The following C16orf78 variants were observed in gnomAD, a reference collection of about 807,000 sequenced individuals.
C16orf78 encodes chromosome 16 open reading frame 78, also known as uncharacterized protein C16orf78.
A neutral mutation model predicts 27.3 loss-of-function variants in C16orf78; 19 were observed. That is an observed-to-expected ratio of 0.70 (90% CI 0.49 to 1.02). The LOEUF (loss-of-function observed/expected upper bound fraction) is 1.02, where lower values mean the gene tolerates loss of function less well. Among genes scored for constraint, C16orf78 ranks in the 50% least tolerant of loss-of-function variants. C16orf78 has a pLI of 0.00. For synonymous variants in C16orf78, 130 were observed against 116.1 expected, an observed-to-expected ratio of 1.12 and a Z score of -0.77; for missense variants, 339 against 337.0, an observed-to-expected ratio of 1.01 and a Z score of -0.05.
chr16:49,384,754 T>A (rs2151612937), intron 3 of C16orf78, among the ~76,000 whole-genome samples: 1 of 152,232 alleles, frequency 6.6e-6, no homozygotes, highest in Non-Finnish European at 1.5e-5. Context: ...ATAGCTAAAT[T>A]GTCAAAAGTC....
At chr16:49,380,400 T>C (rs1297629518) in intron 3 of C16orf78, among the ~76,000 whole-genome samples, 3 of 152,222 alleles carry the variant, frequency 2.0e-5, no homozygotes, top group Non-Finnish European at 1.5e-5. Flanking sequence ...TAGATTGCCT[T>C]ATGCCTTATG....
chr16:49,385,243 G>T lies in C16orf78; in HGVS notation c.394+6650G>T, dbSNP rs111263563. Among the ~76,000 whole-genome samples the T allele has an allele frequency of 8.5e-4, 129 of 152,058 alleles. 1 individual carries two copies. The highest frequency in any genetic ancestry group is 3.4e-3 in the Middle Eastern group (1 of 294). On this transcript the variant is annotated intron_variant, in intron 3 of 4. Transcript: ENST00000299191. ...ACTATAACTATAATAATTTGTTAGT[G>T]GATACACAATACAAAATATATGTAT...
At chr16:49,384,653 A>G (rs992434828) in intron 3 of C16orf78, among the ~76,000 whole-genome samples, 1 of 152,216 alleles carries the variant, frequency 6.6e-6, no homozygotes, top group Non-Finnish European at 1.5e-5. Flanking sequence ...CAAAGTTCCC[A>G]AATTTGAGGA....
chr16:49,380,354 A>G (rs937700110), intron 3 of C16orf78, among the ~76,000 whole-genome samples: 2 of 152,156 alleles, frequency 1.3e-5, no homozygotes, highest in African/African-American at 4.8e-5. Flanking sequence ...CACCACAATT[A>G]TTCCAAAATA....
At chr16:49,377,656 C>A in intron 1 of C16orf78, 75 bp from the exon 2 acceptor site, 1 of 1,542,830 alleles carries the variant, frequency 6.5e-7, no homozygotes, top group Non-Finnish European at 8.8e-7. Flanking sequence ...ACCTGGGAGC[C>A]TTCTCCTTGG....
chr16:49,381,029 A>T (rs1212952184), intron 3 of C16orf78, among the ~76,000 whole-genome samples: 2 of 150,852 alleles, frequency 1.3e-5, no homozygotes, highest in Non-Finnish European at 3.0e-5. Context: ...TGTTTTGGTT[A>T]CTGTAGCCTT....
intron 4 of C16orf78, among the ~76,000 whole-genome samples, chr16:49,398,754 T>C (rs1965505880): frequency 1.3e-5 from 2 of 152,228 alleles, no homozygotes; most frequent in Non-Finnish European, 2.9e-5. Context: ...AATTCTCTGT[T>C]GGTGGATTTA....
intron 3 of C16orf78, among the ~76,000 whole-genome samples, chr16:49,384,934 A>T (rs152650): frequency 0.096 from 14,606 of 152,250 alleles, 2,021 homozygotes; most frequent in African/African-American, 0.3. Flanking sequence ...CAAGGATATT[A>T]TACCTGATAA....
chr16:49,396,524 T>A lies in C16orf78; in HGVS notation c.496T>A (p.Phe166Ile). 6.2e-7 allele frequency: 1 copy of A among 1,614,196 alleles called. No homozygotes were observed. Among genetic ancestry groups the A allele is most frequent in the Non-Finnish European group, 8.5e-7 (1 of 1,180,040 alleles). ...VLDPMLQEGT[F>I]NSQRATFIRD... ...AGATCCCATGTTACAGGAGGGTACC[T>A]TTAACAGCCAGAGGGCAACCTTCAT... The change falls in exon 4 of 5, where the codon TTT becomes ATT. Residue 166 changes from phenylalanine to isoleucine, a missense_variant. Coordinates refer to ENST00000299191, the MANE Select transcript of C16orf78 (RefSeq NM_144602.4).
intron 3 of C16orf78, among the ~76,000 whole-genome samples, chr16:49,379,550 G>A (rs1397901849): frequency 1.3e-5 from 2 of 151,916 alleles, no homozygotes; most frequent in Non-Finnish European, 2.9e-5. Flanking sequence ...CCAAATTGCA[G>A]TCACTTCCCT....
At position 49,396,534 on chromosome 16, in the gene C16orf78, A is replaced by C; in HGVS notation, c.506A>C (p.Gln169Pro). The stretch of plus-strand genomic sequence containing the variant: ...TTACAGGAGGGTACCTTTAACAGCC[A>C]GAGGGCAACCTTCATAAGAGACTGG... ...PMLQEGTFNS[Q>P]RATFIRDWSN... Residue 169 changes from glutamine to proline, a missense_variant, in exon 4 of 5, where the codon CAG becomes CCG. Transcript: ENST00000299191. 4.3e-6 allele frequency: 7 copies of C among 1,614,184 alleles called. No individual in the cohort carries two copies. Among genetic ancestry groups the C allele is most frequent in the Non-Finnish European group, 8.5e-7 (1 of 1,180,048 alleles).
At chr16:49,378,350 C>G in intron 2 of C16orf78, 120 bp from the exon 3 acceptor site, 2 of 1,423,240 alleles carry the variant, frequency 1.4e-6, no homozygotes, top group Admixed American at 2.6e-5. Context: ...AAGCTCTCTC[C>G]TTGGTTGCCT....
chr16:49,375,255 G>A (rs1965199894), intron 1 of C16orf78, among the ~76,000 whole-genome samples: 1 of 152,130 alleles, frequency 6.6e-6, no homozygotes, highest in Non-Finnish European at 1.5e-5. Context: ...CTTCCATTAT[G>A]TTTGTGTGCT....
chr16:49,377,902 G>A (rs1248006987), intron 2 of C16orf78, 52 bp downstream of exon 2: 1 of 1,543,906 alleles, frequency 6.5e-7, no homozygotes. Flanking sequence ...CCAAATGGAG[G>A]AGGGGTCCCT....
At chr16:49,376,662 T>G (rs1465614364) in intron 1 of C16orf78, among the ~76,000 whole-genome samples, 1 of 152,166 alleles carries the variant, frequency 6.6e-6, no homozygotes, top group African/African-American at 2.4e-5. Context: ...TTATCGAAAC[T>G]TCCCTTCCAC....
rs769161271 is a variant in C16orf78, at chr16:49,396,656, C to G, written c.628C>G (p.Pro210Ala). 3 of 1,610,184 alleles carry G rather than the reference C, an allele frequency of 1.9e-6. No homozygotes were observed. The highest frequency in any genetic ancestry group is 2.5e-6 in the Non-Finnish European group (3 of 1,179,984). ...PKMETMRMLK[P>A]EEVLSCRYLR... is the part of the protein sequence containing the mutation. ...GATGGAAACCATGAGGATGTTGAAG[C>G]CAGAGGAGGTGCTGAGCTGCCGGTG... The change falls in exon 4 of 5, where the codon CCA becomes GCA. Residue 210 changes from proline to alanine, a missense_variant. Coordinates refer to ENST00000299191, the MANE Select transcript of C16orf78 (RefSeq NM_144602.4).
intron 3 of C16orf78, among the ~76,000 whole-genome samples, chr16:49,393,926 T>C (rs549344679): frequency 6.6e-6 from 1 of 152,206 alleles, no homozygotes; most frequent in East Asian, 1.9e-4. Flanking sequence ...AAAAGAATTG[T>C]AATAGAATAC....
rs543265091 is a variant in C16orf78 at position 49,388,133 on chromosome 16, A to T, written c.395-8290A>T. Among the ~76,000 whole-genome samples, 126 of 152,044 alleles carry T rather than the reference A, an allele frequency of 8.3e-4. 1 individual carries two copies. Among genetic ancestry groups the T allele is most frequent in the South Asian group, 2.3e-3 (11 of 4,800 alleles). On this transcript the variant is annotated intron_variant, in intron 3 of 4. Coordinates refer to ENST00000299191, the MANE Select transcript of C16orf78 (RefSeq NM_144602.4). Reference sequence around the variant, plus strand: ...GATCCTGTCTCTATTAAGAAAAAAAAATTTTTTTTTAAAAACCCACAACTC... The same window carrying T: ...GATCCTGTCTCTATTAAGAAAAAAATATTTTTTTTTAAAAACCCACAACTC...
At chr16:49,378,616 G>A (rs774682583) in intron 3 of C16orf78, 23 bp downstream of exon 3, 48 of 1,609,234 alleles carry the variant, frequency 3.0e-5, no homozygotes, top group African/African-American at 1.6e-4. Context: ...CCTTGGCCCC[G>A]GCCACCAGAA....
Sources: gnomAD v4.1 joint callset for allele counts (sites outside exome capture counted in the v4.1 genomes callset) on GRCh38, gnomAD v4.1.1 for gene constraint, MANE v1.5 for transcripts, NCBI Gene and HGNC (gene_info 2026-07-23, HGNC 2026-07-21) for gene names.